WWC1: variants seen among roughly 807,000 people sequenced by gnomAD.
WWC1 encodes protein KIBRA.
Under a neutral mutation model 138.4 loss-of-function variants are expected in WWC1, and 55 were observed. That is an observed-to-expected ratio of 0.40 (90% CI 0.32 to 0.50). The LOEUF (loss-of-function observed/expected upper bound fraction) is 0.50, where lower values mean the gene tolerates loss of function less well. Ranked by LOEUF, WWC1 falls within the 20% of genes least tolerant of loss-of-function variation. The pLI is 0.72. For missense variants in WWC1, 1,226 were observed against 1,420.4 expected (o/e 0.86, Z 2.20); for synonymous variants, 524 against 564.9 (o/e 0.93, Z 1.03).
intron 1 of WWC1, among the ~76,000 whole-genome samples, chr5:168,300,472 T>C (rs1769960768): frequency 1.5e-5 from 2 of 130,792 alleles, no homozygotes; most frequent in African/African-American, 5.7e-5. Flanking sequence ...GCCTGCTCAA[T>C]GCTTCTACCC....
intron 1 of WWC1, among the ~76,000 whole-genome samples, chr5:168,326,998 A>G (rs1662718572): frequency 6.6e-6 from 1 of 152,186 alleles, no homozygotes. Flanking sequence ...TGCACTGGCC[A>G]TATGCAGGCC....
intron 1 of WWC1, among the ~76,000 whole-genome samples, chr5:168,300,020 G>A (rs931515626): frequency 6.6e-6 from 1 of 152,120 alleles, no homozygotes; most frequent in Non-Finnish European, 1.5e-5. Flanking sequence ...CCAGCTCCTC[G>A]CTATTTGCTA....
intron 1 of WWC1, among the ~76,000 whole-genome samples, chr5:168,329,931 G>A (rs1481197237): frequency 2.0e-5 from 3 of 152,094 alleles, no homozygotes; most frequent in Non-Finnish European, 4.4e-5. Flanking sequence ...CCAACATGGT[G>A]AAACCCTGTC....
In WWC1 at chr5:168,441,846, C is replaced by T. The variant is rs1754637218; in HGVS notation, c.2433+12C>T. ...GGCCTGCCAGCACGGTGAGCTGGGA[C>T]CAGGTGTGCCACCTTCCCACAAGGC... On this transcript the variant is annotated intron_variant, in intron 16 of 22. Transcript: ENST00000265293. The T allele has an allele frequency of 6.2e-7, 1 of 1,610,576 alleles. No homozygotes were observed. Among genetic ancestry groups the T allele is most frequent in the African/African-American group, 1.3e-5 (1 of 74,834 alleles).
At chr5:168,416,855 A>G (rs1010653560) in intron 9 of WWC1, among the ~76,000 whole-genome samples, 1 of 152,186 alleles carries the variant, frequency 6.6e-6, no homozygotes. Context: ...ATTTTTTTCC[A>G]TCAACTTTAT....
In WWC1 at chr5:168,408,544, G is replaced by A. The variant is rs1211911024; in HGVS notation, c.758G>A (p.Arg253Lys). Residue 253 changes from arginine (R) to lysine (K), a missense_variant, in exon 7 of 23, where the codon AGG (arginine) becomes AAG (lysine). This residue lies in a region of WWC1 where 1,016 missense variants were observed against 1,153.9 expected (regional missense o/e 0.88). Coordinates refer to ENST00000265293, the MANE Select transcript of WWC1 (RefSeq NM_015238.3). ...AMLKDGFRTDRGSHSDLWSSS... is the reference protein window; with the variant it reads ...AMLKDGFRTDKGSHSDLWSSS... ...TTGAAGGACGGCTTCCGCACTGACA[G>A]GGGGTCTCACTCAGACCTGTGGTCC... 1.2e-6 allele frequency: 2 copies of A among 1,614,024 alleles called. No homozygotes were observed. Among genetic ancestry groups the A allele is most frequent in the African/African-American group, 1.3e-5 (1 of 74,936 alleles).
chr5:168,312,060 A>C (rs1467858023), intron 1 of WWC1, among the ~76,000 whole-genome samples: 1 of 150,296 alleles, frequency 6.7e-6, no homozygotes, highest in African/African-American at 2.5e-5. Flanking sequence ...AAAAAAAAAA[A>C]TACAAAAATT....
rs1366628811 is a variant in WWC1 at position 168,469,562 on chromosome 5, G to A, written c.*545G>A. The A allele has an allele frequency of 6.5e-6, 1 of 154,226 alleles. No homozygotes were observed. Among genetic ancestry groups the A allele is most frequent in the Non-Finnish European group, 1.4e-5 (1 of 69,172 alleles). The allele number at this position is 154,226 out of a possible 1,614,324, so 9.6% of individuals were successfully genotyped here. On this transcript the variant is annotated 3_prime_UTR_variant, in exon 23 of 23. Coordinates refer to ENST00000265293, the MANE Select transcript of WWC1 (RefSeq NM_015238.3). ...GTGCATCCACGGATCTTCTTGAGCT[G>A]TGACGTGTTTTTATGTGGCTGCCCA... is the stretch of plus-strand genomic sequence containing the variant.
intron 1 of WWC1, among the ~76,000 whole-genome samples, chr5:168,357,982 G>A (rs142766861): frequency 1.5e-3 from 222 of 152,344 alleles, no homozygotes; most frequent in Middle Eastern, 6.8e-3. Flanking sequence ...CTTCTGGCTA[G>A]AGCAGCCTGC....
At chr5:168,322,664 G>T (rs1420977004) in intron 1 of WWC1, among the ~76,000 whole-genome samples, 1 of 152,248 alleles carries the variant, frequency 6.6e-6, no homozygotes. Flanking sequence ...AATAACAGTG[G>T]CTTCAAGATA....
At chr5:168,460,304 G>A (rs1017729149) in intron 19 of WWC1, among the ~76,000 whole-genome samples, 1 of 152,142 alleles carries the variant, frequency 6.6e-6, no homozygotes, top group African/African-American at 2.4e-5. Context: ...TGACCAGCTC[G>A]CCAATCTTGG....
intron 1 of WWC1, among the ~76,000 whole-genome samples, chr5:168,294,269 A>G (rs1363153087): frequency 6.6e-6 from 1 of 152,110 alleles, no homozygotes; most frequent in African/African-American, 2.4e-5. Context: ...GACCACCTCC[A>G]TGATTTTTTT....
intron 1 of WWC1, among the ~76,000 whole-genome samples, chr5:168,323,825 A>C (rs765180259): frequency 6.6e-6 from 1 of 152,224 alleles, no homozygotes; most frequent in Non-Finnish European, 1.5e-5. Context: ...ACCTAGACAC[A>C]TCATAGTCAA....
chr5:168,468,497 TA>T (rs112284118), intron 22 of WWC1, among the ~76,000 whole-genome samples: 4,702 of 144,800 alleles, frequency 0.032, 230 homozygotes, highest in African/African-American at 0.11. Flanking sequence ...GTATGTGCTT[TA>T]AAAAAAAAAA....
chr5:168,353,891 T>A (rs182173859), intron 1 of WWC1, among the ~76,000 whole-genome samples: 42 of 152,366 alleles, frequency 2.8e-4, no homozygotes, highest in African/African-American at 9.9e-4. Context: ...TGGAACGATG[T>A]CTTCATTCCT....
chr5:168,301,144 G>T (rs1770031523), intron 1 of WWC1, among the ~76,000 whole-genome samples: 1 of 152,134 alleles, frequency 6.6e-6, no homozygotes, highest in South Asian at 2.1e-4. Context: ...ATGGCATTTT[G>T]CAAATGAGGA....
chr5:168,425,728 A>T (rs1781453113), intron 11 of WWC1, among the ~76,000 whole-genome samples: 1 of 151,260 alleles, frequency 6.6e-6, no homozygotes, highest in South Asian at 2.1e-4. Context: ...CGAACTCCTG[A>T]CCTCAGTTGA....
intron 5 of WWC1, among the ~76,000 whole-genome samples, chr5:168,404,254 C>T (rs1779613961): frequency 6.6e-6 from 1 of 152,234 alleles, no homozygotes; most frequent in African/African-American, 2.4e-5. Flanking sequence ...CCCCTATGCC[C>T]ATCTGCAGCA....
intron 1 of WWC1, among the ~76,000 whole-genome samples, chr5:168,345,589 G>T (rs112490027): frequency 2.0e-4 from 30 of 152,186 alleles, no homozygotes; most frequent in African/African-American, 7.2e-4. Flanking sequence ...CAGTTGACTT[G>T]GATTGTACTT....
Sources: gnomAD v4.1 joint callset for allele counts (sites outside exome capture counted in the v4.1 genomes callset) on GRCh38, gnomAD v4.1.1 for gene constraint, gnomAD v4.1.1 regional missense constraint, MANE v1.5 for transcripts, NCBI Gene and HGNC (gene_info 2026-07-23, HGNC 2026-07-21) for gene names.